The following ANXA9 variants were observed in gnomAD, a reference collection of about 807,000 sequenced individuals.
ANXA9 encodes annexin 31.
A neutral mutation model predicts 51.8 loss-of-function variants in ANXA9; 47 were observed. The observed-to-expected ratio is 0.91, with a 90% CI of 0.72 to 1.16. ANXA9 has a LOEUF of 1.16. ANXA9 is among the 50% of genes most tolerant of loss of function. The pLI is 0.00. For synonymous variants in ANXA9, 154 were observed against 168.7 expected, an observed-to-expected ratio of 0.91 and a Z score of 0.68; for missense variants, 361 against 424.7, an observed-to-expected ratio of 0.85 and a Z score of 1.32.
At chr1:150,986,236 G>A in intron 7 of ANXA9, 100 bp from the exon 8 acceptor site, 1 of 1,018,424 alleles carries the variant, frequency 9.8e-7, no homozygotes, top group African/African-American at 1.6e-5. Flanking sequence ...GGGGCTAGCA[G>A]GGCTGGCAGG....
At chr1:150,982,209 A>G (rs587608631), upstream of ANXA9, 2 of 152,602 alleles carry the variant, frequency 1.3e-5, no homozygotes, top group Non-Finnish European at 2.9e-5. Flanking sequence ...GGGAGGGGCC[A>G]GAGTCAGACA....
Position 150,995,339 on chromosome 1 carries a change from C to T in ANXA9, c.*17C>T, listed in dbSNP as rs1213717468. The T allele has an allele frequency of 1.4e-5, 23 of 1,588,902 alleles. No homozygotes were observed. Among genetic ancestry groups the T allele is most frequent in the Non-Finnish European group, 1.9e-5 (22 of 1,167,840 alleles). On this transcript the variant is annotated 3_prime_UTR_variant, in exon 14 of 14. Coordinates refer to ENST00000368947, the MANE Select transcript of ANXA9 (RefSeq NM_003568.3). ...GACATGTGAGACTTCCCTGCCCCAC[C>T]CCACATGACATCCGAGGATCTGAGA...
chr1:150,987,082 A>G (rs1278871877), intron 9 of ANXA9, among the ~76,000 whole-genome samples: 2 of 152,138 alleles, frequency 1.3e-5, no homozygotes, highest in Non-Finnish European at 2.9e-5. Flanking sequence ...AAAAACAACT[A>G]GTAGGCCAGG....
At position 150,995,392 on chromosome 1, in the gene ANXA9, C is replaced by G; in HGVS notation, c.*70C>G. The G allele has an allele frequency of 6.9e-7, 1 of 1,454,654 alleles. No homozygotes were observed. Among genetic ancestry groups the G allele is most frequent in the Admixed American group, 2.0e-5 (1 of 49,644 alleles). The allele number at this position is 1,454,654 out of a possible 1,614,324, so 90.1% of individuals were successfully genotyped here. A position where few individuals can be genotyped will look rare whatever the true frequency, so the allele number is the denominator to read the frequency against. ...TCCGTGTTTGGCTGAACCTGGGAGACCAGCTGGGCCTCCAAGTAGGATAAC... is the reference window on the plus strand; with the variant it reads ...TCCGTGTTTGGCTGAACCTGGGAGAGCAGCTGGGCCTCCAAGTAGGATAAC... On this transcript the variant is annotated 3_prime_UTR_variant, in exon 14 of 14. Coordinates refer to ENST00000368947, the MANE Select transcript of ANXA9 (RefSeq NM_003568.3).
At chr1:150,978,104 C>T (rs1295705393), upstream of ANXA9, among the ~76,000 whole-genome samples, 1 of 151,872 alleles carries the variant, frequency 6.6e-6, no homozygotes, top group Admixed American at 6.6e-5. Context: ...CCACTGCCCT[C>T]CAGCCTGGCA....
Position 150,984,569 on chromosome 1 carries a change from C to T in ANXA9, c.382-17C>T. 6.2e-7 allele frequency: 1 copy of T among 1,611,890 alleles called. No homozygotes were observed. The highest frequency in any genetic ancestry group is 8.5e-7 in the Non-Finnish European group (1 of 1,178,154). ...ATGACACGGCCAGTCTGAGAGTAGA[C>T]TCCCAATTTCTTGTAGGCCTCAGAT... On this transcript the variant is annotated splice_polypyrimidine_tract_variant and intron_variant, in intron 6 of 13. Transcript: ENST00000368947.
At chr1:150,991,339 C>T (rs957894916) in intron 12 of ANXA9, among the ~76,000 whole-genome samples, 4 of 150,646 alleles carry the variant, frequency 2.7e-5, no homozygotes, top group South Asian at 2.1e-4. Flanking sequence ...CGAGTTCAAG[C>T]GATTCTTCTG....
chr1:150,984,345 T>TGCAGCCC lies in ANXA9; in HGVS notation c.333_339dup (p.Thr114AlafsTer7), dbSNP rs745330887. ...CTGGAGAGGATTGTGATGGCTCTGC[T>TGCAGCCC]GCAGCCCACAGCCCAGTTTGACGCC... On this transcript the variant is annotated frameshift_variant, in exon 6 of 14. Transcript: ENST00000368947. LOFTEE classifies it high-confidence loss of function. 1 of 1,614,168 alleles carries TGCAGCCC rather than the reference T, an allele frequency of 6.2e-7. No homozygotes were observed.
chr1:150,988,482 C>T, intron 12 of ANXA9, 141 bp downstream of exon 12: 1 of 1,029,710 alleles, frequency 9.7e-7, no homozygotes, highest in Non-Finnish European at 1.4e-6. Context: ...CACACCAGGG[C>T]TTACACAGGG....
chr1:150,989,442 G>C (rs1161138790), intron 12 of ANXA9, among the ~76,000 whole-genome samples: 5 of 151,990 alleles, frequency 3.3e-5, no homozygotes, highest in Admixed American at 1.3e-4. Context: ...TATAATCCCA[G>C]CACTTTGGGA....
Position 150,986,587 on chromosome 1 carries a change from A to T in ANXA9, c.553-15A>T, listed in dbSNP as rs1671564367. On this transcript the variant is annotated splice_polypyrimidine_tract_variant and intron_variant, in intron 8 of 13. Coordinates refer to ENST00000368947, the MANE Select transcript of ANXA9 (RefSeq NM_003568.3). ...GCCCTTCAAAGAGCCCTCTAAGAACAGTTTCTCCTCCTAGGGGGGCCGTGA... is the reference window on the plus strand; with the variant it reads ...GCCCTTCAAAGAGCCCTCTAAGAACTGTTTCTCCTCCTAGGGGGGCCGTGA... 1.2e-6 allele frequency: 2 copies of T among 1,610,906 alleles called. No individual in the cohort carries two copies. Among genetic ancestry groups the T allele is most frequent in the African/African-American group, 1.3e-5 (1 of 74,804 alleles).
At chr1:150,980,916 TTTA>T (rs1671405413), upstream of ANXA9, among the ~76,000 whole-genome samples, 1 of 151,908 alleles carries the variant, frequency 6.6e-6, no homozygotes. Context: ...TTTATTTATT[TTTA>T]TGAGTTCAAT....
upstream of ANXA9, among the ~76,000 whole-genome samples, chr1:150,978,604 A>G (rs978370410): frequency 1.3e-5 from 2 of 152,100 alleles, no homozygotes; most frequent in Middle Eastern, 3.2e-3. Context: ...GCTGAGAAAC[A>G]TGGATGCTAG....
Position 150,988,336 on chromosome 1 carries a change from C to G in ANXA9, c.847C>G (p.Leu283Val). The change falls in exon 12 of 14, where the codon CTC becomes GTC. Residue 283 changes from leucine (L) to valine (V), a missense_variant. Coordinates refer to ENST00000368947, the MANE Select transcript of ANXA9 (RefSeq NM_003568.3). ...CTTTGCTGACAAACTTCATCAAGCC[C>G]TCCAGGTGAGAGGGGCACTCCTTTC... ...LYFADKLHQA[L>V]QETEPNYQVL... The G allele has an allele frequency of 6.2e-7, 1 of 1,614,006 alleles. No individual in the cohort carries two copies. Among genetic ancestry groups the G allele is most frequent in the Non-Finnish European group, 8.5e-7 (1 of 1,180,016 alleles).
At chr1:150,988,467 G>C in intron 12 of ANXA9, 126 bp downstream of exon 12, 2 of 1,167,846 alleles carry the variant, frequency 1.7e-6, no homozygotes, top group South Asian at 2.8e-5. Context: ...CCTTCCCAGG[G>C]CTTACACACC....
intron 12 of ANXA9, among the ~76,000 whole-genome samples, chr1:150,993,633 C>CTTT (rs35186445): frequency 1.1e-4 from 11 of 104,158 alleles, no homozygotes; most frequent in Admixed American, 2.4e-4. Context: ...TTCTTTCTTT[C>CTTT]TTTTTTTTTT....
chr1:150,987,925 C>T lies in ANXA9; in HGVS notation c.666C>T (p.Phe222=), dbSNP rs200903544. 26 of 1,614,010 alleles carry T rather than the reference C, an allele frequency of 1.6e-5. No individual in the cohort carries two copies. In the Admixed American group the frequency reaches 3.0e-4, roughly 19 times the overall value. The change falls in exon 10 of 14, where the codon TTC becomes TTT. Residue 222 remains phenylalanine (F), a synonymous_variant. Coordinates refer to ENST00000368947, the MANE Select transcript of ANXA9 (RefSeq NM_003568.3). ...PSREETWVPV[F]TQRNPEHLIR... ...GAGAGGAAACATGGGTCCCAGTCTTCACCCAGCGAAATCCTGAACACCTCA... is the reference window on the plus strand; with the variant it reads ...GAGAGGAAACATGGGTCCCAGTCTTTACCCAGCGAAATCCTGAACACCTCA...
chr1:150,988,010 G>A, intron 10 of ANXA9, 54 bp downstream of exon 10: 1 of 1,613,746 alleles, frequency 6.2e-7, no homozygotes, highest in East Asian at 2.2e-5. Flanking sequence ...AGTTTGGGCT[G>A]AGGAAGGTGG....
Position 150,988,131 on chromosome 1 carries a change from G to A in ANXA9, c.738G>A (p.Glu246=). 1 of 1,614,214 alleles carries A rather than the reference G, an allele frequency of 6.2e-7. No individual in the cohort carries two copies. Among genetic ancestry groups the A allele is most frequent in the Non-Finnish European group, 8.5e-7 (1 of 1,180,038 alleles). The change falls in exon 11 of 14, where the codon GAG becomes GAA. Residue 246 remains glutamate (E), a synonymous_variant. Coordinates refer to ENST00000368947, the MANE Select transcript of ANXA9 (RefSeq NM_003568.3). ...AGCGGAGCACTGGGCAAGAGCTGGA[G>A]GAGGCTGTCCAGAACCGTTTCCATG... is the stretch of plus-strand genomic sequence containing the variant. The part of the protein sequence containing the change: ...QYQRSTGQEL[E]EAVQNRFHGD...
Sources: allele counts gnomAD v4.1 joint callset (sites outside exome capture counted in the v4.1 genomes callset), GRCh38; gene constraint gnomAD v4.1.1; transcripts MANE v1.5; gene names NCBI Gene and HGNC (gene_info 2026-07-23, HGNC 2026-07-21).